The following CLIP2 variants were observed in gnomAD, a reference collection of about 807,000 sequenced individuals.
CLIP2 encodes CAP-Gly domain-containing linker protein 2.
A neutral mutation model predicts 111.7 loss-of-function variants in CLIP2; 41 were observed. The observed-to-expected ratio is 0.37, with a 90% CI of 0.29 to 0.48. The LOEUF is 0.48. Ranked by LOEUF, CLIP2 falls within the 20% of genes least tolerant of loss-of-function variation. The pLI, the probability that CLIP2 is intolerant of heterozygous loss-of-function variation, is 0.99. For synonymous variants in CLIP2, 660 were observed against 644.2 expected, an observed-to-expected ratio of 1.02 and a Z score of -0.37; for missense variants, 1,160 against 1,422.1, an observed-to-expected ratio of 0.82 and a Z score of 2.96.
intron 9 of CLIP2, 91 bp from the exon 10 acceptor site, chr7:74,375,796 A>G: frequency 1.8e-6 from 2 of 1,099,866 alleles, no homozygotes; most frequent in South Asian, 3.4e-5. Flanking sequence ...CCTCGAATGG[A>G]CGCCCCCTAC....
In CLIP2 at chr7:74,403,983, C is replaced by T. The variant is rs1306853904; in HGVS notation, c.*135C>T. 1.8e-5 allele frequency: 17 copies of T among 965,574 alleles called. No individual in the cohort carries two copies. The highest frequency in any genetic ancestry group is 9.0e-5 in the South Asian group (7 of 77,368). 59.8% of individuals were successfully genotyped at this position (965,574 alleles called of 1,614,324 possible). ...GTGTTTGTAACAATAACGTACTCACCGCCGCGGACAATCCCCCACCCCGAT... is the reference window on the plus strand; with the variant it reads ...GTGTTTGTAACAATAACGTACTCACTGCCGCGGACAATCCCCCACCCCGAT... On this transcript the variant is annotated 3_prime_UTR_variant, in exon 17 of 17. Transcript: ENST00000223398.
chr7:74,399,832 G>C (rs113054715), intron 14 of CLIP2, among the ~76,000 whole-genome samples: 3 of 151,738 alleles, frequency 2.0e-5, no homozygotes, highest in African/African-American at 7.2e-5. Flanking sequence ...GAGCCACCAG[G>C]CTCGGTCTCT....
intron 1 of CLIP2, among the ~76,000 whole-genome samples, chr7:74,309,325 G>T (rs1298718128): frequency 1.3e-5 from 2 of 151,628 alleles, no homozygotes; most frequent in Non-Finnish European, 2.9e-5. Flanking sequence ...AAAATTAATT[G>T]TATGGTTTGA....
chr7:74,372,599 G>T (rs569886234), intron 8 of CLIP2, among the ~76,000 whole-genome samples: 135 of 151,820 alleles, frequency 8.9e-4, no homozygotes, highest in Middle Eastern at 6.8e-3. Flanking sequence ...GGGTTGGGGG[G>T]GACAGAAAAG....
chr7:74,306,317 G>T (rs781888766), intron 1 of CLIP2, among the ~76,000 whole-genome samples: 16 of 152,288 alleles, frequency 1.1e-4, no homozygotes, highest in Middle Eastern at 3.4e-3. Context: ...CACCCCAGCT[G>T]CTGGGACCCC....
chr7:74,346,971 C>T (rs375373608), intron 3 of CLIP2, among the ~76,000 whole-genome samples: 5 of 150,830 alleles, frequency 3.3e-5, no homozygotes, highest in African/African-American at 9.8e-5. Flanking sequence ...CCCAGAAGTT[C>T]GAGGCTACAG....
At chr7:74,401,695 C>A in intron 16 of CLIP2, 128 bp downstream of exon 16, 1 of 945,956 alleles carries the variant, frequency 1.1e-6, no homozygotes, top group Non-Finnish European at 1.7e-6. Flanking sequence ...TAGGGTCCCT[C>A]AGGGAGGGTG....
chr7:74,370,155 C>CAAAAAAA (rs536133070), intron 8 of CLIP2, among the ~76,000 whole-genome samples: 3 of 32,894 alleles, frequency 9.1e-5, no homozygotes, highest in Non-Finnish European at 1.8e-4. Flanking sequence ...GACTCTGCCT[C>CAAAAAAA]AAAAAAAAAA....
intron 8 of CLIP2, among the ~76,000 whole-genome samples, chr7:74,366,581 G>A (rs1790474223): frequency 6.6e-6 from 1 of 152,228 alleles, no homozygotes; most frequent in African/African-American, 2.4e-5. Context: ...CTGGAAGCCA[G>A]AAGTCTAAAA....
chr7:74,389,027 G>C (rs1396887006), intron 12 of CLIP2, 76 bp from the exon 13 acceptor site: 1 of 1,511,710 alleles, frequency 6.6e-7, no homozygotes, highest in Non-Finnish European at 8.9e-7. Context: ...GCCCTGCCCA[G>C]GTCTTTGCCC....
chr7:74,338,639 C>A lies in CLIP2; in HGVS notation c.313C>A (p.Pro105Thr). ...GTATCTGGGAGAGACGCAGTTCGCA[C>A]CGGGCCAGTGGGCTGGCGTGGTGCT... The part of the protein sequence containing the change: ...VQYLGETQFA[P>T]GQWAGVVLDD... Residue 105 changes from proline (P) to threonine (T), a missense_variant, in exon 3 of 17, where the codon CCG becomes ACG. Physicochemically the swap from Pro to Thr is conservative, Grantham distance 38. Coordinates refer to ENST00000223398, the MANE Select transcript of CLIP2 (RefSeq NM_003388.5). The surrounding 1 kb of genome is among the most constrained non-coding windows in gnomAD (Gnocchi z 4.3). The A allele has an allele frequency of 6.4e-7, 1 of 1,565,924 alleles. No individual in the cohort carries two copies.
At chr7:74,377,732 C>T (rs1482915331) in intron 10 of CLIP2, among the ~76,000 whole-genome samples, 1 of 152,146 alleles carries the variant, frequency 6.6e-6, no homozygotes, top group East Asian at 1.9e-4. Flanking sequence ...CCCAAGACAA[C>T]AGGAATTAAT....
In CLIP2 at chr7:74,357,474, G is replaced by A. The variant is rs1554308717; in HGVS notation, c.1212G>A (p.Glu404=). The A allele has an allele frequency of 1.2e-6, 2 of 1,611,534 alleles. No individual in the cohort carries two copies. Among genetic ancestry groups the A allele is most frequent in the Admixed American group, 1.7e-5 (1 of 59,600 alleles). The change falls in exon 6 of 17, where the codon GAG becomes GAA. Residue 404 remains glutamate (E), a synonymous_variant. Coordinates refer to ENST00000223398, the MANE Select transcript of CLIP2 (RefSeq NM_003388.5). ...TTGCCCTGCTCAAGGCACAGCATGAGCAGGTGAGTGGCAGGTGGGGCTGGG... is the reference window on the plus strand; with the variant it reads ...TTGCCCTGCTCAAGGCACAGCATGAACAGGTGAGTGGCAGGTGGGGCTGGG... The part of the protein sequence containing the change: ...KEIALLKAQH[E]QYVAEAEEKL...
chr7:74,403,546 C>T (rs147587788), intron 16 of CLIP2, among the ~76,000 whole-genome samples: 3,478 of 152,198 alleles, frequency 0.023, 120 homozygotes, highest in African/African-American at 0.075. Context: ...TCCAGCCTGG[C>T]GACAGAGCAA....
chr7:74,352,499 GA>G (rs1268467843), intron 3 of CLIP2, among the ~76,000 whole-genome samples: 6 of 151,164 alleles, frequency 4.0e-5, no homozygotes, highest in East Asian at 1.9e-4. Flanking sequence ...TTATTTATAG[GA>G]AAAAAAAATT....
intron 2 of CLIP2, among the ~76,000 whole-genome samples, chr7:74,324,739 C>T (rs887639093): frequency 2.7e-5 from 4 of 150,376 alleles, no homozygotes; most frequent in Admixed American, 2.0e-4. Flanking sequence ...GGAGCAAAAC[C>T]GAGTTGGCTG....
chr7:74,298,031 G>C (rs920467607), intron 1 of CLIP2, among the ~76,000 whole-genome samples: 5 of 151,940 alleles, frequency 3.3e-5, no homozygotes, highest in African/African-American at 1.2e-4. Context: ...AACAAGATAT[G>C]CAAAGATCTT....
At chr7:74,306,931 G>A (rs1048487148) in intron 1 of CLIP2, among the ~76,000 whole-genome samples, 2 of 152,194 alleles carry the variant, frequency 1.3e-5, no homozygotes, top group Admixed American at 6.5e-5. Context: ...AGGCTTCCCC[G>A]CCTCCCACGT....
chr7:74,294,500 C>A (rs926785732), intron 1 of CLIP2, among the ~76,000 whole-genome samples: 1 of 152,150 alleles, frequency 6.6e-6, no homozygotes, highest in African/African-American at 2.4e-5. Context: ...GAGCCCTGAG[C>A]GACACCCGCT....
Sources: gnomAD v4.1 joint callset for allele counts (sites outside exome capture counted in the v4.1 genomes callset) on GRCh38, gnomAD v4.1.1 for gene constraint, Gnocchi (gnomAD v3.1) non-coding constraint, MANE v1.5 for transcripts, NCBI Gene and HGNC (gene_info 2026-07-23, HGNC 2026-07-21) for gene names.